ZNF292: variants seen among roughly 807,000 people sequenced by gnomAD.
The protein encoded by ZNF292 is 16 zinc-finger domain protein.
A neutral mutation model predicts 217.9 loss-of-function variants in ZNF292; 26 were observed. The ratio of observed to expected loss-of-function variants is 0.12; its 90% CI spans 0.09 to 0.17. The LOEUF (loss-of-function observed/expected upper bound fraction) is 0.17. ZNF292 is among the 10% of genes least tolerant of loss of function. The probability of loss-of-function intolerance (pLI) is 1.00; values close to 1 mark genes in which losing one functional copy is unlikely to be tolerated. For missense variants in ZNF292, 2,904 were observed against 3,175.2 expected, an observed-to-expected ratio of 0.91 and a Z score of 2.05; for synonymous variants, 1,257 against 1,124.1, an observed-to-expected ratio of 1.12 and a Z score of -2.37.
chr6:87,219,847 A>G (rs1772989576), intron 4 of ZNF292, among the ~76,000 whole-genome samples: 1 of 152,224 alleles, frequency 6.6e-6, no homozygotes, highest in African/African-American at 2.4e-5. Context: ...TTATTTATTG[A>G]GACAGAGTCT....
chr6:87,190,593 C>T (rs1247257699), intron 1 of ZNF292, among the ~76,000 whole-genome samples: 2 of 152,166 alleles, frequency 1.3e-5, no homozygotes, highest in Admixed American at 1.3e-4. Flanking sequence ...CCTGCCTCAG[C>T]CTCTTGCGTA....
At chr6:87,186,691 C>T (rs1432001696) in intron 1 of ZNF292, among the ~76,000 whole-genome samples, 1 of 152,090 alleles carries the variant, frequency 6.6e-6, no homozygotes, top group Non-Finnish European at 1.5e-5. Context: ...CTGCAGTGAG[C>T]CGTGATCATG....
In ZNF292 at chr6:87,261,140, C is replaced by T; in HGVS notation, c.7511C>T (p.Ala2504Val). 6.2e-7 allele frequency: 1 copy of T among 1,612,912 alleles called. No individual in the cohort carries two copies. Reference protein sequence around the residue: ...NEDSTSVETQANTSSNVSNDF... With the variant: ...NEDSTSVETQVNTSSNVSNDF... Reference sequence around the variant, plus strand: ...GATAGCACAAGTGTAGAGACCCAAGCTAATACTTCTTCAAATGTAAGTAAT... The same window carrying T: ...GATAGCACAAGTGTAGAGACCCAAGTTAATACTTCTTCAAATGTAAGTAAT... The change falls in exon 8 of 8, where the codon GCT (alanine) becomes GTT (valine). Residue 2504 changes from alanine to valine, a missense_variant. Transcript: ENST00000369577.
chr6:87,261,884 A>G lies in ZNF292; in HGVS notation c.*83A>G, dbSNP rs1356877662. ...AGCATGCTAGAATTGTGAAACTTTC[A>G]TTATATTTTTTTGTTGTTGACATGA... is the stretch of plus-strand genomic sequence containing the variant. On this transcript the variant is annotated 3_prime_UTR_variant, in exon 8 of 8. Transcript: ENST00000369577. 9.8e-7 allele frequency: 1 copy of G among 1,024,442 alleles called. No homozygotes were observed. Among genetic ancestry groups the G allele is most frequent in the East Asian group, 2.8e-5 (1 of 36,258 alleles). The allele number at this position is 1,024,442 out of a possible 1,614,324, so 63.5% of individuals were successfully genotyped here.
chr6:87,177,843 A>G (rs1459237587), intron 1 of ZNF292, among the ~76,000 whole-genome samples: 8 of 152,346 alleles, frequency 5.3e-5, no homozygotes, highest in Admixed American at 2.6e-4. Context: ...GTAAAATGCT[A>G]TTGTTCCATG....
At chr6:87,228,510 A>G (rs753634749) in intron 4 of ZNF292, among the ~76,000 whole-genome samples, 8 of 152,192 alleles carry the variant, frequency 5.3e-5, no homozygotes, top group South Asian at 4.1e-4. Flanking sequence ...TTGCCAGTCT[A>G]TTGTCATAAA....
chr6:87,218,956 A>G (rs572725816), intron 4 of ZNF292, among the ~76,000 whole-genome samples: 171 of 152,290 alleles, frequency 1.1e-3, no homozygotes, highest in African/African-American at 4.0e-3. Context: ...ATTTTTTCCC[A>G]ACATCTTTTT....
intron 1 of ZNF292, among the ~76,000 whole-genome samples, chr6:87,200,024 C>G (rs1342843091): frequency 6.6e-6 from 1 of 152,142 alleles, no homozygotes; most frequent in African/African-American, 2.4e-5. Flanking sequence ...GATTGAGGCT[C>G]GTGCTATAAT....
intron 5 of ZNF292, among the ~76,000 whole-genome samples, chr6:87,239,012 C>T (rs138871492): frequency 0.054 from 8,285 of 152,162 alleles, 146 homozygotes; most frequent in African/African-American, 0.097. Context: ...GGTCATAGAT[C>T]AACAGCATCC....
chr6:87,168,964 C>T (rs1031902655), intron 1 of ZNF292, among the ~76,000 whole-genome samples: 1 of 151,924 alleles, frequency 6.6e-6, no homozygotes, highest in Non-Finnish European at 1.5e-5. Flanking sequence ...TCTGTAGATG[C>T]TATGTAAATA....
chr6:87,158,766 T>G (rs1475648042), intron 1 of ZNF292, among the ~76,000 whole-genome samples: 1 of 152,210 alleles, frequency 6.6e-6, no homozygotes, highest in Non-Finnish European at 1.5e-5. Flanking sequence ...GGTTAACAAT[T>G]AAAGAATTTA....
intron 1 of ZNF292, among the ~76,000 whole-genome samples, chr6:87,171,952 T>G (rs1301824475): frequency 6.6e-6 from 1 of 152,218 alleles, no homozygotes; most frequent in Non-Finnish European, 1.5e-5. Flanking sequence ...TAGCACTATG[T>G]CTGGTACTAG....
chr6:87,246,243 A>G (rs767382734), intron 7 of ZNF292, among the ~76,000 whole-genome samples: 20 of 152,208 alleles, frequency 1.3e-4, no homozygotes, highest in Non-Finnish European at 2.2e-4. Flanking sequence ...ACAAACAAAC[A>G]AACGAACAAA....
At chr6:87,189,708 G>A (rs1041566587) in intron 1 of ZNF292, among the ~76,000 whole-genome samples, 8 of 151,634 alleles carry the variant, frequency 5.3e-5, no homozygotes, top group African/African-American at 1.9e-4. Context: ...TTCTCAACAT[G>A]ACTTAGCACA....
chr6:87,235,809 G>C (rs1355863650), intron 5 of ZNF292, among the ~76,000 whole-genome samples: 1 of 151,994 alleles, frequency 6.6e-6, no homozygotes, highest in East Asian at 1.9e-4. Flanking sequence ...TTCATAAGCA[G>C]GGTTCACTAA....
At chr6:87,252,324 T>G (rs1774962156) in intron 7 of ZNF292, among the ~76,000 whole-genome samples, 2 of 152,028 alleles carry the variant, frequency 1.3e-5, no homozygotes, top group Admixed American at 1.3e-4. Context: ...GCTAATTTTT[T>G]GTATTTTTGG....
At chr6:87,193,739 A>G (rs1771882696) in intron 1 of ZNF292, among the ~76,000 whole-genome samples, 2 of 152,230 alleles carry the variant, frequency 1.3e-5, no homozygotes, top group Non-Finnish European at 2.9e-5. Context: ...TAAAAACATT[A>G]TATAAAATTA....
At chr6:87,159,597 G>A (rs1293669773) in intron 1 of ZNF292, among the ~76,000 whole-genome samples, 1 of 151,432 alleles carries the variant, frequency 6.6e-6, no homozygotes, top group Non-Finnish European at 1.5e-5. Context: ...CCGCCTCTTG[G>A]GTTCAAGCAA....
chr6:87,204,844 G>A (rs1465502199), intron 1 of ZNF292, among the ~76,000 whole-genome samples: 8 of 151,996 alleles, frequency 5.3e-5, no homozygotes, highest in Non-Finnish European at 5.9e-5. Context: ...GATTACAGGC[G>A]TGAACCACTG....
Sources: gnomAD v4.1 joint callset for allele counts (sites outside exome capture counted in the v4.1 genomes callset) on GRCh38, gnomAD v4.1.1 for gene constraint, MANE v1.5 for transcripts, NCBI Gene and HGNC (gene_info 2026-07-23, HGNC 2026-07-21) for gene names.